The following PRDM1 variants were observed in gnomAD, a reference collection of about 807,000 sequenced individuals.
PRDM1 encodes the protein PR domain zinc finger protein 1.
A neutral mutation model predicts 62.8 loss-of-function variants in PRDM1; 13 were observed. The ratio of observed to expected loss-of-function variants is 0.21; its 90% CI spans 0.13 to 0.33. The LOEUF (loss-of-function observed/expected upper bound fraction) is 0.33. PRDM1 is among the 10% of genes least tolerant of loss of function. The probability of loss-of-function intolerance (pLI) is 1.00; values close to 1 mark genes in which losing one functional copy is unlikely to be tolerated. For missense variants in PRDM1, 895 were observed against 1,058.8 expected (o/e 0.85, Z 2.15); for synonymous variants, 396 against 417.6 (o/e 0.95, Z 0.63).
intron 1 of PRDM1, among the ~76,000 whole-genome samples, chr6:106,014,303 G>A (rs896192201): frequency 1.5e-4 from 23 of 151,074 alleles, no homozygotes; most frequent in African/African-American, 2.9e-4. Context: ...CAAGTAATCC[G>A]CCCGCCTCTG....
chr6:106,103,770 G>A (rs1326059156), intron 4 of PRDM1, among the ~76,000 whole-genome samples: 1 of 152,178 alleles, frequency 6.6e-6, no homozygotes, highest in Non-Finnish European at 1.5e-5. Flanking sequence ...GGGAATAAGT[G>A]CTTTCCTCTT....
chr6:106,061,652 A>G (rs1773347311), intron 1 of PRDM1, among the ~76,000 whole-genome samples: 1 of 152,224 alleles, frequency 6.6e-6, no homozygotes, highest in African/African-American at 2.4e-5. Context: ...GTGTAAGGAC[A>G]TGTGATTTCT....
chr6:106,108,642 G>A lies in PRDM1; in HGVS notation c.*1156G>A, dbSNP rs878989116. On this transcript the variant is annotated 3_prime_UTR_variant, in exon 7 of 7. Transcript: ENST00000369096. ...AACAAACACACAAACAACAAAAAAC[G>A]GGTATTCTAGTCATCTTGGGGTAAA... The A allele has an allele frequency of 4.3e-6, 1 of 231,994 alleles. No homozygotes were observed. Among genetic ancestry groups the A allele is most frequent in the African/African-American group, 2.2e-5 (1 of 44,752 alleles). 14.4% of individuals were successfully genotyped at this position (231,994 alleles called of 1,614,324 possible).
At chr6:106,047,003 T>C (rs183891432), upstream of PRDM1, among the ~76,000 whole-genome samples, 82 of 152,326 alleles carry the variant, frequency 5.4e-4, no homozygotes, top group Non-Finnish European at 8.5e-4. Context: ...TTTACTGATA[T>C]AGAAGTTTAA....
intron 1 of PRDM1, among the ~76,000 whole-genome samples, chr6:106,006,520 A>G (rs1426378426): frequency 6.6e-6 from 1 of 151,866 alleles, no homozygotes; most frequent in Non-Finnish European, 1.5e-5. Context: ...CTCCCTTTGT[A>G]TGTAGAAGAT....
intron 1 of PRDM1, among the ~76,000 whole-genome samples, chr6:105,995,191 G>A (rs900505892): frequency 6.6e-6 from 1 of 152,102 alleles, no homozygotes; most frequent in Admixed American, 6.5e-5. Context: ...GAAGAGGGTC[G>A]GGGCAGGTGC....
At chr6:106,095,472 A>G in intron 2 of PRDM1, 143 bp from the exon 3 acceptor site, 1 of 835,360 alleles carries the variant, frequency 1.2e-6, no homozygotes, top group Non-Finnish European at 1.8e-6. Context: ...TTAATTATGT[A>G]GGCATCATTA....
At chr6:106,019,750 C>T (rs1772670596) in intron 1 of PRDM1, among the ~76,000 whole-genome samples, 1 of 151,134 alleles carries the variant, frequency 6.6e-6, no homozygotes, top group Non-Finnish European at 1.5e-5. Context: ...AAGCAATTCT[C>T]CTGTCTCAGC....
Position 106,105,408 on chromosome 6 carries a change from C to A in PRDM1, c.1248C>A (p.Pro416=). 1 of 1,614,200 alleles carries A rather than the reference C, an allele frequency of 6.2e-7. No homozygotes were observed. Among genetic ancestry groups the A allele is most frequent in the Non-Finnish European group, 8.5e-7 (1 of 1,180,044 alleles). Residue 416 remains proline, a synonymous_variant, in exon 5 of 7, where the codon CCC becomes CCA. Transcript: ENST00000369096. ...YNAHYPKFLL[P]PYGMNCNGLS... ...CTCACTACCCCAAGTTCCTCTTGCC[C>A]CCCTACGGCATGAATTGTAATGGCC...
intron 1 of PRDM1, among the ~76,000 whole-genome samples, chr6:106,030,801 G>T (rs1772831153): frequency 6.6e-6 from 1 of 152,120 alleles, no homozygotes; most frequent in Non-Finnish European, 1.5e-5. Context: ...TTCCCCCATT[G>T]AATTGCTCAA....
intron 1 of PRDM1, among the ~76,000 whole-genome samples, chr6:106,060,671 G>A (rs1773331666): frequency 6.6e-6 from 1 of 152,128 alleles, no homozygotes; most frequent in African/African-American, 2.4e-5. Context: ...AAGAGCTGAT[G>A]TAATTTGAGG....
At chr6:106,030,966 G>A (rs1772835372) in intron 1 of PRDM1, among the ~76,000 whole-genome samples, 1 of 150,048 alleles carries the variant, frequency 6.7e-6, no homozygotes, top group Non-Finnish European at 1.5e-5. Context: ...ATAGTTGGTA[G>A]GTTGGAGTCT....
At chr6:105,999,231 G>A (rs911194111) in intron 1 of PRDM1, among the ~76,000 whole-genome samples, 7 of 150,484 alleles carry the variant, frequency 4.7e-5, no homozygotes, top group Non-Finnish European at 7.4e-5. Flanking sequence ...GAGCCACCAC[G>A]CCCAGCCCAA....
Position 106,004,980 on chromosome 6 carries a change from G to C in PRDM1, c.-67+11341G>C, listed in dbSNP as rs190831051. 4.5e-3 allele frequency among the ~76,000 whole-genome samples: 690 copies of C among 152,206 alleles called. 2 individuals carry two copies. Among genetic ancestry groups the C allele is most frequent in the Admixed American group, 8.6e-3 (132 of 15,304 alleles). On this transcript the variant is annotated intron_variant, in intron 1 of 6. Coordinates refer to the PRDM1 transcript ENST00000652320. ...ACTCTTTGCTAGATTTCCTCTTCTA[G>C]TACATGATTCTTCTAATAATGTAAT...
intron 1 of PRDM1, among the ~76,000 whole-genome samples, chr6:106,057,393 C>T (rs1291210974): frequency 6.6e-6 from 1 of 152,168 alleles, no homozygotes; most frequent in Non-Finnish European, 1.5e-5. Flanking sequence ...CTTCATCCAC[C>T]TGCCAGATAT....
intron 1 of PRDM1, among the ~76,000 whole-genome samples, chr6:106,063,835 A>T (rs963083470): frequency 6.6e-6 from 1 of 152,200 alleles, no homozygotes; most frequent in Non-Finnish European, 1.5e-5. Context: ...CAAATTATTC[A>T]TCTTCATTGT....
chr6:106,032,671 G>A (rs1402971822), intron 1 of PRDM1, among the ~76,000 whole-genome samples: 1 of 151,986 alleles, frequency 6.6e-6, no homozygotes, highest in Admixed American at 6.6e-5. Flanking sequence ...TTGATCTCTT[G>A]ACCTTGTGAT....
At chr6:106,003,203 C>T (rs1239921986) in intron 1 of PRDM1, among the ~76,000 whole-genome samples, 2 of 152,104 alleles carry the variant, frequency 1.3e-5, no homozygotes, top group African/African-American at 4.8e-5. Context: ...TTGTCCAAAG[C>T]AGGACACTTT....
At chr6:106,024,031 C>T (rs948783750) in intron 1 of PRDM1, among the ~76,000 whole-genome samples, 1 of 151,990 alleles carries the variant, frequency 6.6e-6, no homozygotes, top group Admixed American at 6.6e-5. Context: ...AGTCCTAGGT[C>T]CTTGGGAGGC....
Sources: gnomAD v4.1 joint callset for allele counts (sites outside exome capture counted in the v4.1 genomes callset) on GRCh38, gnomAD v4.1.1 for gene constraint, MANE v1.5 for transcripts, NCBI Gene and HGNC (gene_info 2026-07-23, HGNC 2026-07-21) for gene names.